Variants in SLC5A10 observed in about 807,000 individuals in gnomAD.
The protein encoded by SLC5A10 is solute carrier family 5 member 10.
Under a neutral mutation model 68.9 loss-of-function variants are expected in SLC5A10, and 55 were observed. The observed-to-expected ratio is 0.80, with a 90% CI of 0.64 to 1.00. The LOEUF (loss-of-function observed/expected upper bound fraction) is 1.00, where lower values mean the gene tolerates loss of function less well. Ranked by LOEUF, SLC5A10 falls within the 50% of genes least tolerant of loss-of-function variation. SLC5A10 has a pLI of 0.00. For missense variants in SLC5A10, 732 were observed against 819.3 expected (o/e 0.89, Z 1.30); for synonymous variants, 344 against 344.8 (o/e 1.00, Z 0.02).
intron 9 of SLC5A10, among the ~76,000 whole-genome samples, chr17:18,989,712 C>T (rs571278155): frequency 1.7e-4 from 26 of 152,364 alleles, no homozygotes; most frequent in Middle Eastern, 3.4e-3. Context: ...TCACCCCGCA[C>T]GTTCCCATTT....
intron 11 of SLC5A10, 22 bp downstream of exon 11, chr17:19,015,221 C>T (rs754979602): frequency 6.6e-5 from 8 of 121,084 alleles, no homozygotes; most frequent in South Asian, 1.4e-4. Context: ...GGGGCCAGTA[C>T]GGGGGTGGGG....
intron 9 of SLC5A10, among the ~76,000 whole-genome samples, chr17:19,008,074 G>A (rs922082874): frequency 2.0e-5 from 3 of 152,132 alleles, no homozygotes; most frequent in African/African-American, 7.2e-5. Context: ...GGTAAGTGAT[G>A]GTGGTAAGCA....
intron 9 of SLC5A10, among the ~76,000 whole-genome samples, chr17:18,992,489 G>A (rs920094769): frequency 3.3e-5 from 5 of 152,204 alleles, no homozygotes; most frequent in African/African-American, 9.7e-5. Flanking sequence ...CAGCAGACAC[G>A]GCCTGAAGCC....
intron 5 of SLC5A10, among the ~76,000 whole-genome samples, chr17:18,964,756 A>G (rs17718627): frequency 0.03 from 4,612 of 152,240 alleles, 94 homozygotes; most frequent in Middle Eastern, 0.054. Context: ...AGGGGCAGCA[A>G]TGACCAAGAG....
In SLC5A10 at chr17:18,997,840, C is replaced by T. The variant is rs369341951; in HGVS notation, c.983-15570C>T. Among the ~76,000 whole-genome samples, 32 of 152,294 alleles carry T rather than the reference C, an allele frequency of 2.1e-4. 1 individual carries two copies. In the South Asian group the frequency reaches 6.0e-3, roughly 29 times the overall value. On this transcript the variant is annotated intron_variant, in intron 9 of 14. Coordinates refer to ENST00000395645, the MANE Select transcript of SLC5A10 (RefSeq NM_001042450.4). ...GCGAGGGGAGAGATCTGGCATCTAC[C>T]GATGCCAGCTCCATGCCAGACACAG... is the stretch of plus-strand genomic sequence containing the variant.
intron 9 of SLC5A10, 117 bp downstream of exon 9, chr17:18,977,106 C>T: frequency 3.5e-6 from 5 of 1,410,800 alleles, no homozygotes; most frequent in Non-Finnish European, 4.8e-6. Flanking sequence ...GTTCCCCAAC[C>T]TGGGGAGTGG....
chr17:18,958,155 C>A (rs1362258182), intron 1 of SLC5A10, among the ~76,000 whole-genome samples: 1 of 152,226 alleles, frequency 6.6e-6, no homozygotes, highest in Non-Finnish European at 1.5e-5. Flanking sequence ...ACTGCAGCAT[C>A]CACCTCCTGG....
intron 9 of SLC5A10, chr17:18,977,528 T>C: frequency 6.5e-7 from 1 of 1,532,254 alleles, no homozygotes; most frequent in Non-Finnish European, 8.8e-7. Flanking sequence ...CTCGAGCTCT[T>C]GGGTGGCTGG....
chr17:18,971,666 G>C lies in SLC5A10; in HGVS notation c.846+448G>C, dbSNP rs1597835273. The C allele has an allele frequency of 6.2e-7, 1 of 1,612,968 alleles. No individual in the cohort carries two copies. Among genetic ancestry groups the C allele is most frequent in the Admixed American group, 1.7e-5 (1 of 59,984 alleles). On this transcript the variant is annotated intron_variant, in intron 8 of 14. Coordinates refer to ENST00000395645, the MANE Select transcript of SLC5A10 (RefSeq NM_001042450.4). This position sits in a 1 kb window ranked among gnomAD's most constrained non-coding sequence, Gnocchi z 5.5. Reference sequence around the variant, plus strand: ...AGAGCTCTGGACGCTGTCAGCAGCAGAGCGGTACCTAGGGGGTCCTGGGAA... The same window carrying C: ...AGAGCTCTGGACGCTGTCAGCAGCACAGCGGTACCTAGGGGGTCCTGGGAA...
rs918347304 is a variant in SLC5A10, at chr17:18,979,267, G to A, written c.982+2278G>A. 15 of 490,160 alleles carry A rather than the reference G, an allele frequency of 3.1e-5. 1 individual carries two copies. The highest frequency in any genetic ancestry group is 1.5e-4 in the African/African-American group (8 of 51,756). 30.4% of individuals were successfully genotyped at this position (490,160 alleles called of 1,614,324 possible). A position where few individuals can be genotyped will look rare whatever the true frequency, so the allele number is the denominator to read the frequency against. ...CAGAGCTGGCCCCATCCCTAAGGACGGCTCTCAGAGTGACCCCCATAGGCT... is the reference window on the plus strand; with the variant it reads ...CAGAGCTGGCCCCATCCCTAAGGACAGCTCTCAGAGTGACCCCCATAGGCT... On this transcript the variant is annotated intron_variant, in intron 9 of 14. Transcript: ENST00000395645.
At chr17:19,008,511 T>C (rs2043946491) in intron 9 of SLC5A10, among the ~76,000 whole-genome samples, 1 of 151,976 alleles carries the variant, frequency 6.6e-6, no homozygotes, top group African/African-American at 2.4e-5. Context: ...ATTTTTTTTT[T>C]TTTTTTGATA....
Position 19,000,937 on chromosome 17 carries a change from G to A in SLC5A10, c.983-12473G>A, listed in dbSNP as rs2043714597. ...GCAGGACAGCTGGAGGACTGCAGTG[G>A]CCTGGATGAGCTGCCCCTCCCAGCC... On this transcript the variant is annotated intron_variant, in intron 9 of 14. Transcript: ENST00000395645. This position sits in a 1 kb window ranked among gnomAD's most constrained non-coding sequence, Gnocchi z 5.2. 6.6e-6 allele frequency among the ~76,000 whole-genome samples: 1 copy of A among 152,174 alleles called. No individual in the cohort carries two copies. The highest frequency in any genetic ancestry group is 1.5e-5 in the Non-Finnish European group (1 of 68,030).
intron 8 of SLC5A10, among the ~76,000 whole-genome samples, chr17:18,974,220 T>G (rs2042928099): frequency 6.6e-6 from 1 of 152,144 alleles, no homozygotes; most frequent in Non-Finnish European, 1.5e-5. Context: ...GAAATGGGGT[T>G]TCACCATGTT....
rs887591607 is a variant in SLC5A10 at position 19,000,845 on chromosome 17, A to G, written c.983-12565A>G. ...GGGAGCGCTCCCAGGAAGCAGGCAG[A>G]CAAAGCGCCCCGTCAGCATCCGTCA... is the stretch of plus-strand genomic sequence containing the variant. On this transcript the variant is annotated intron_variant, in intron 9 of 14. Transcript: ENST00000395645. This position sits in a 1 kb window ranked among gnomAD's most constrained non-coding sequence, Gnocchi z 5.2. Among the ~76,000 whole-genome samples the G allele has an allele frequency of 3.3e-5, 5 of 152,130 alleles. No homozygotes were observed. The highest frequency in any genetic ancestry group is 9.7e-5 in the African/African-American group (4 of 41,430).
intron 9 of SLC5A10, among the ~76,000 whole-genome samples, chr17:18,994,172 A>G (rs145961865): frequency 1.2e-3 from 177 of 152,346 alleles, no homozygotes; most frequent in African/African-American, 4.2e-3. Flanking sequence ...TGATGGAATA[A>G]CAGAGACGGA....
At chr17:18,992,520 G>A (rs1009600253) in intron 9 of SLC5A10, among the ~76,000 whole-genome samples, 2 of 152,356 alleles carry the variant, frequency 1.3e-5, no homozygotes, top group African/African-American at 4.8e-5. Flanking sequence ...GGCTGCTGGC[G>A]TTGGGGGTGG....
At position 19,003,915 on chromosome 17, in the gene SLC5A10, G is replaced by C; in HGVS notation, c.983-9495G>C. 2 of 1,612,960 alleles carry C rather than the reference G, an allele frequency of 1.2e-6. No homozygotes were observed. The highest frequency in any genetic ancestry group is 8.5e-7 in the Non-Finnish European group (1 of 1,179,930). On this transcript the variant is annotated intron_variant, in intron 9 of 14. Transcript: ENST00000395645. This position sits in a 1 kb window ranked among gnomAD's most constrained non-coding sequence, Gnocchi z 4.5. ...TTGAGCACCTCGTAGAAGGCGTCCC[G>C]GCCGCGGGCCACCAGGGCCTCCAGC...
At chr17:18,963,618 C>T (rs1429055096) in intron 5 of SLC5A10, among the ~76,000 whole-genome samples, 1 of 152,252 alleles carries the variant, frequency 6.6e-6, no homozygotes, top group Non-Finnish European at 1.5e-5. Flanking sequence ...CCTCACTGGG[C>T]TGTGCCCCGG....
chr17:18,977,451 T>C (rs2043007728), intron 9 of SLC5A10: 2 of 914,610 alleles, frequency 2.2e-6, no homozygotes, highest in Admixed American at 5.3e-5. Context: ...TTCATCAAGT[T>C]TCCCCATCTG....
Sources: gnomAD v4.1 joint callset for allele counts (sites outside exome capture counted in the v4.1 genomes callset) on GRCh38, gnomAD v4.1.1 for gene constraint, Gnocchi (gnomAD v3.1) non-coding constraint, MANE v1.5 for transcripts, NCBI Gene and HGNC (gene_info 2026-07-23, HGNC 2026-07-21) for gene names.